The following SLC1A5 variants were observed in gnomAD, a reference collection of about 807,000 sequenced individuals.
SLC1A5 encodes solute carrier family 1 member 5.
Under a neutral mutation model 34.9 loss-of-function variants are expected in SLC1A5, and 25 were observed. The observed-to-expected ratio is 0.72, with a 90% CI of 0.52 to 1.00. The LOEUF (loss-of-function observed/expected upper bound fraction) is 1.00. Ranked by LOEUF, SLC1A5 falls within the 50% of genes least tolerant of loss-of-function variation. The pLI, the probability that SLC1A5 is intolerant of heterozygous loss-of-function variation, is 0.00. For synonymous variants in SLC1A5, 351 were observed against 341.2 expected, an observed-to-expected ratio of 1.03 and a Z score of -0.32; for missense variants, 637 against 740.0, an observed-to-expected ratio of 0.86 and a Z score of 1.61.
chr19:46,785,008 G>T, intron 1 of SLC1A5: 1 of 380,312 alleles, frequency 2.6e-6, no homozygotes, highest in Non-Finnish European at 4.0e-6. Context: ...AAAAGGGACG[G>T]CTTCATATCT....
intron 7 of SLC1A5, chr19:46,776,528 T>C (rs1031502751): frequency 1.3e-5 from 2 of 159,922 alleles, no homozygotes; most frequent in South Asian, 1.8e-4. Context: ...CTTTATACTC[T>C]TAATAGCTTA....
At chr19:46,783,866 C>T (rs2055166400) in intron 3 of SLC1A5, among the ~76,000 whole-genome samples, 1 of 148,642 alleles carries the variant, frequency 6.7e-6, no homozygotes, top group Non-Finnish European at 1.5e-5. Flanking sequence ...AGGGAGAGGG[C>T]AGCATGGAAT....
At chr19:46,781,710 G>A (rs1568429417) in intron 4 of SLC1A5, among the ~76,000 whole-genome samples, 1 of 152,182 alleles carries the variant, frequency 6.6e-6, no homozygotes, top group Non-Finnish European at 1.5e-5. Context: ...CTTCTTGTAA[G>A]TCACAGAAGA....
chr19:46,784,090 C>T lies in SLC1A5; in HGVS notation c.657+7G>A, dbSNP rs372135522. On this transcript the variant is annotated splice_region_variant and intron_variant, in intron 3 of 7. Transcript: ENST00000542575. ...GTAGAGCCCCCGCTGCCTCCCACTG[C>T]TCTCACCTTCACCCTGGTTCCGGTG... 90 of 1,611,606 alleles carry T rather than the reference C, an allele frequency of 5.6e-5. No individual in the cohort carries two copies. The highest frequency in any genetic ancestry group is 7.5e-5 in the Non-Finnish European group (88 of 1,178,002).
chr19:46,777,098 G>T lies in SLC1A5; in HGVS notation c.1265C>A (p.Thr422Lys). Residue 422 changes from threonine to lysine, a missense_variant, in exon 7 of 8, where the codon ACA becomes AAA. Transcript: ENST00000542575. ...GCCCGCTGCCCCCACGCTGGACGCT[G>T]TGGCCGTGACCCTGAGGGAGAAGGT... ...VKIITILVTA[T>K]ASSVGAAGIP... The T allele has an allele frequency of 6.2e-7, 1 of 1,613,820 alleles. No individual in the cohort carries two copies. The highest frequency in any genetic ancestry group is 8.5e-7 in the Non-Finnish European group (1 of 1,179,952).
In SLC1A5 at chr19:46,782,358, C is replaced by G; in HGVS notation, c.824+25G>C. On this transcript the variant is annotated intron_variant, in intron 4 of 7. Coordinates refer to ENST00000542575, the MANE Select transcript of SLC1A5 (RefSeq NM_005628.3). ...GACCGACCCTCCAACCCCACCCACC[C>G]CCAGCCTCCTCTCCCACCACCTACC... is the stretch of plus-strand genomic sequence containing the variant. 2 of 1,270,656 alleles carry G rather than the reference C, an allele frequency of 1.6e-6. 1 individual carries two copies. Among genetic ancestry groups the G allele is most frequent in the Non-Finnish European group, 2.3e-6 (2 of 885,062 alleles). 78.7% of individuals were successfully genotyped at this position (1,270,656 alleles called of 1,614,324 possible). A position where few individuals can be genotyped will look rare whatever the true frequency, so the allele number is the denominator to read the frequency against.
chr19:46,782,338 A>ACCCCCCCACCCCCCCCCCCCCC, intron 4 of SLC1A5, 45 bp downstream of exon 4: 1 of 1,009,384 alleles, frequency 9.9e-7, no homozygotes, highest in Non-Finnish European at 1.5e-6. Flanking sequence ...CAGCAGACCG[A>ACCCCCCCACCCCCCCCCCCCCC]CCCTCCAACC....
chr19:46,783,840 G>T (rs1368549736), intron 3 of SLC1A5, among the ~76,000 whole-genome samples: 1 of 151,938 alleles, frequency 6.6e-6, no homozygotes, highest in African/African-American at 2.4e-5. Flanking sequence ...CAGGTTGAGG[G>T]TGGATGGAAG....
chr19:46,786,492 G>A (rs776292743), intron 1 of SLC1A5, among the ~76,000 whole-genome samples: 1 of 152,158 alleles, frequency 6.6e-6, no homozygotes, highest in Non-Finnish European at 1.5e-5. Context: ...GCTTCAACTC[G>A]GGACACCAAG....
Position 46,775,377 on chromosome 19 carries a change from G to A in SLC1A5, c.*133C>T. 2 of 1,505,126 alleles carry A rather than the reference G, an allele frequency of 1.3e-6. No individual in the cohort carries two copies. Among genetic ancestry groups the A allele is most frequent in the South Asian group, 1.4e-5 (1 of 72,850 alleles). 93.2% of individuals were successfully genotyped at this position (1,505,126 alleles called of 1,614,324 possible). ...GGCATCCCAGATCTCCTGTCCTGGA[G>A]GGTGCTGGGGCCCCTGGCTCCCCAG... On this transcript the variant is annotated 3_prime_UTR_variant, in exon 8 of 8. Transcript: ENST00000542575.
intron 4 of SLC1A5, 39 bp downstream of exon 4, chr19:46,782,342 TCC>T: frequency 2.3e-5 from 12 of 523,366 alleles, no homozygotes; most frequent in East Asian, 4.0e-5. Flanking sequence ...AGACCGACCC[TCC>T]AACCCCACCC....
At chr19:46,786,825 G>C (rs1007855621) in intron 1 of SLC1A5, among the ~76,000 whole-genome samples, 3 of 152,176 alleles carry the variant, frequency 2.0e-5, no homozygotes, top group Admixed American at 6.6e-5. Flanking sequence ...GGGGTGGCAG[G>C]GCTGATCTAA....
chr19:46,782,342 T>TACCACCCCCCCCCCCC, intron 4 of SLC1A5, 41 bp downstream of exon 4: 1 of 523,372 alleles, frequency 1.9e-6, no homozygotes, highest in Non-Finnish European at 3.5e-6. Context: ...AGACCGACCC[T>TACCACCCCCCCCCCCC]CCAACCCCAC....
intron 7 of SLC1A5, among the ~76,000 whole-genome samples, chr19:46,776,071 G>C (rs1172786327): frequency 3.0e-4 from 46 of 151,944 alleles, no homozygotes; most frequent in East Asian, 1.9e-4. Flanking sequence ...GGGTGACAGA[G>C]CCAGACTGTG....
rs1341501340 is a variant in SLC1A5, at chr19:46,787,907, T to C, written c.59A>G (p.Asn20Ser). ...KGLAAAEPTANGGLALASIED... is the reference protein window; with the variant it reads ...KGLAAAEPTASGGLALASIED... Reference sequence around the variant, plus strand: ...GATGGAGGCCAGCGCCAGGCCCCCGTTGGCGGTGGGCTCCGCCGCTGCGAG... The same window carrying C: ...GATGGAGGCCAGCGCCAGGCCCCCGCTGGCGGTGGGCTCCGCCGCTGCGAG... The change falls in exon 1 of 8, where the codon AAC becomes AGC. Residue 20 changes from asparagine (N) to serine (S), a missense_variant. By Grantham distance (46) the Asn-to-Ser change is conservative. Coordinates refer to ENST00000542575, the MANE Select transcript of SLC1A5 (RefSeq NM_005628.3). The surrounding 1 kb of genome is among the most constrained non-coding windows in gnomAD (Gnocchi z 5.2). 1.9e-6 allele frequency: 3 copies of C among 1,574,686 alleles called. No homozygotes were observed. Among genetic ancestry groups the C allele is most frequent in the South Asian group, 1.2e-5 (1 of 86,846 alleles).
Position 46,786,778 on chromosome 19 carries a change from G to A in SLC1A5, c.566+622C>T, listed in dbSNP as rs924656791. Among the ~76,000 whole-genome samples, 12 of 152,306 alleles carry A rather than the reference G, an allele frequency of 7.9e-5. No homozygotes were observed. The East Asian group carries it at 2.3e-3, about 29-fold the overall frequency. ...CCTCTTCTGGGCTGCCTGCTAGGGG[G>A]TGGCCCAGACAGAGGAGGAAACGGG... On this transcript the variant is annotated intron_variant, in intron 1 of 7. Coordinates refer to ENST00000542575, the MANE Select transcript of SLC1A5 (RefSeq NM_005628.3).
At chr19:46,786,096 C>A (rs986990447) in intron 1 of SLC1A5, among the ~76,000 whole-genome samples, 2 of 150,930 alleles carry the variant, frequency 1.3e-5, no homozygotes, top group Non-Finnish European at 2.9e-5. Context: ...TGTGTGACCA[C>A]ATAGGTGTGT....
At position 46,777,043 on chromosome 19, in the gene SLC1A5, G is replaced by C; in HGVS notation, c.1320C>G (p.Ala440=). Residue 440 remains alanine, a synonymous_variant, in exon 7 of 8, where the codon GCC becomes GCG. Transcript: ENST00000542575. ...GIPAGGVLTL[A]IILEAVNLPV... The stretch of plus-strand genomic sequence containing the variant: ...GGAGGTTGACTGCTTCGAGGATGAT[G>C]GCCAGAGTGAGGACACCTCCAGCAG... 1 of 1,614,036 alleles carries C rather than the reference G, an allele frequency of 6.2e-7. No individual in the cohort carries two copies. The highest frequency in any genetic ancestry group is 8.5e-7 in the Non-Finnish European group (1 of 1,179,986).
rs1050028347 is a variant in SLC1A5 at position 46,787,197 on chromosome 19, C to T, written c.566+203G>A. 41 of 1,400,156 alleles carry T rather than the reference C, an allele frequency of 2.9e-5. 1 individual carries two copies. In the East Asian group the frequency reaches 3.0e-4, roughly 10 times the overall value. The allele number at this position is 1,400,156 out of a possible 1,614,324, so 86.7% of individuals were successfully genotyped here. ...ATAAGACCCCACTTATGTACCCAGGCCCCCAGATTTAGAAACCCCTTCCCC... is the reference window on the plus strand; with the variant it reads ...ATAAGACCCCACTTATGTACCCAGGTCCCCAGATTTAGAAACCCCTTCCCC... On this transcript the variant is annotated intron_variant, in intron 1 of 7. Transcript: ENST00000542575. The surrounding 1 kb of genome is among the most constrained non-coding windows in gnomAD (Gnocchi z 5.2).
Sources: allele counts gnomAD v4.1 joint callset (sites outside exome capture counted in the v4.1 genomes callset), GRCh38; gene constraint gnomAD v4.1.1; non-coding constraint Gnocchi (gnomAD v3.1); transcripts MANE v1.5; gene names NCBI Gene and HGNC (gene_info 2026-07-23, HGNC 2026-07-21).